Variants in SLCO6A1 observed in about 807,000 individuals in gnomAD.
The protein encoded by SLCO6A1 is solute carrier organic anion transporter family member 6A1, also known as cancer/testis antigen 48.
A neutral mutation model predicts 72.7 loss-of-function variants in SLCO6A1; 65 were observed. The ratio of observed to expected loss-of-function variants is 0.89; its 90% CI spans 0.73 to 1.10. The LOEUF is 1.10. Among genes scored for constraint, SLCO6A1 ranks in the 50% least tolerant of loss-of-function variants. The pLI is 0.00. For missense variants in SLCO6A1, 874 were observed against 872.6 expected (o/e 1.00, Z -0.02); for synonymous variants, 314 against 298.2 (o/e 1.05, Z -0.55).
At chr5:102,381,362 A>G (rs1318978719) in intron 12 of SLCO6A1, among the ~76,000 whole-genome samples, 3 of 151,670 alleles carry the variant, frequency 2.0e-5, no homozygotes, top group Non-Finnish European at 4.4e-5. Flanking sequence ...GCTTAACATG[A>G]TGTCCTGTAG....
intron 9 of SLCO6A1, among the ~76,000 whole-genome samples, chr5:102,405,182 T>A (rs922732459): frequency 3.3e-5 from 5 of 152,022 alleles, no homozygotes; most frequent in Non-Finnish European, 7.4e-5. Flanking sequence ...ATGCAAAAAG[T>A]AACTACCTGT....
At chr5:102,465,394 G>T (rs538669273) in intron 4 of SLCO6A1, among the ~76,000 whole-genome samples, 1 of 152,064 alleles carries the variant, frequency 6.6e-6, no homozygotes, top group African/African-American at 2.4e-5. Context: ...AGTCCTAGTT[G>T]CCCCAAGCAG....
chr5:102,458,269 A>G (rs1750841739), intron 6 of SLCO6A1, 113 bp downstream of exon 6: 1 of 723,778 alleles, frequency 1.4e-6, no homozygotes, highest in Admixed American at 2.6e-5. Flanking sequence ...AAGAAAAAAA[A>G]AGTCTCACCC....
intron 5 of SLCO6A1, 54 bp downstream of exon 5, chr5:102,459,602 C>A: frequency 1.3e-6 from 2 of 1,506,696 alleles, no homozygotes; most frequent in Non-Finnish European, 1.8e-6. Flanking sequence ...GAATAAGAAC[C>A]ATGGTGGAAG....
chr5:102,403,917 T>TTTTTCTACTTA (rs1201462474), intron 9 of SLCO6A1, among the ~76,000 whole-genome samples: 1 of 152,102 alleles, frequency 6.6e-6, no homozygotes, highest in African/African-American at 2.4e-5. Flanking sequence ...TTTTTACCTA[T>TTTTTCTACTTA]TTTTCTACTT....
intron 9 of SLCO6A1, among the ~76,000 whole-genome samples, chr5:102,410,544 GT>G (rs1316495423): frequency 3.9e-5 from 6 of 152,196 alleles, no homozygotes; most frequent in Non-Finnish European, 8.8e-5. Flanking sequence ...AAAGGTGAAA[GT>G]TGGAGTAGAT....
chr5:102,389,003 C>A (rs1010916867), intron 11 of SLCO6A1, among the ~76,000 whole-genome samples, 178 bp from the exon 12 acceptor site: 3 of 152,082 alleles, frequency 2.0e-5, no homozygotes, highest in African/African-American at 7.2e-5. Context: ...TGTGAGTTTT[C>A]AAAAACAATC....
At chr5:102,484,603 A>G (rs1455914373) in intron 1 of SLCO6A1, among the ~76,000 whole-genome samples, 1 of 151,922 alleles carries the variant, frequency 6.6e-6, no homozygotes, top group East Asian at 1.9e-4. Context: ...GTGAGCCAAG[A>G]TTGCGCCACT....
At chr5:102,475,604 A>G (rs1406094569) in intron 4 of SLCO6A1, 93 bp downstream of exon 4, 1 of 740,044 alleles carries the variant, frequency 1.4e-6, no homozygotes, top group African/African-American at 1.8e-5. Context: ...TGGTTATTAC[A>G]AATTAAATAT....
chr5:102,429,219 T>C (rs759697837), intron 7 of SLCO6A1, among the ~76,000 whole-genome samples: 4 of 152,210 alleles, frequency 2.6e-5, no homozygotes, highest in Non-Finnish European at 5.9e-5. Flanking sequence ...GTCAGATGCT[T>C]ACCTTGGAAA....
intron 4 of SLCO6A1, among the ~76,000 whole-genome samples, chr5:102,461,457 C>A (rs192025742): frequency 3.6e-4 from 54 of 152,032 alleles, no homozygotes; most frequent in Non-Finnish European, 6.5e-4. Context: ...GCAAACATAG[C>A]CCCAATGTTG....
At chr5:102,443,608 A>G (rs1361590826) in intron 6 of SLCO6A1, among the ~76,000 whole-genome samples, 3 of 152,216 alleles carry the variant, frequency 2.0e-5, no homozygotes, top group Admixed American at 6.5e-5. Context: ...TGGCTAAAAC[A>G]TTTGGATTAC....
intron 9 of SLCO6A1, among the ~76,000 whole-genome samples, chr5:102,409,297 G>A (rs1475436625): frequency 1.3e-5 from 2 of 152,050 alleles, no homozygotes; most frequent in Non-Finnish European, 2.9e-5. Context: ...AAGTTTCATT[G>A]AAGAGCATCT....
At chr5:102,374,671 CA>C (rs746570368) in intron 12 of SLCO6A1, among the ~76,000 whole-genome samples, 211 of 152,166 alleles carry the variant, frequency 1.4e-3, no homozygotes, top group Non-Finnish European at 1.6e-3. Flanking sequence ...ATACATTTTA[CA>C]GGGAAAAATA....
intron 1 of SLCO6A1, among the ~76,000 whole-genome samples, chr5:102,494,582 CA>C (rs777949530): frequency 6.6e-6 from 1 of 152,060 alleles, no homozygotes; most frequent in Non-Finnish European, 1.5e-5. Context: ...ATAAGAGAAA[CA>C]ACCCAATTTA....
In SLCO6A1 at chr5:102,456,390, T is replaced by C. The variant is rs570991379; in HGVS notation, c.1131+1992A>G. ...TCAGCCCAAAATCTCCTTAAGCTGA[T>C]AAGCAACTTCAGCAAAGTCTCAGGA... On this transcript the variant is annotated intron_variant, in intron 6 of 13. Coordinates refer to ENST00000506729, the MANE Select transcript of SLCO6A1 (RefSeq NM_173488.5). Among the ~76,000 whole-genome samples the C allele has an allele frequency of 2.1e-3, 318 of 152,296 alleles. 3 individuals are homozygous for C. Among genetic ancestry groups the C allele is most frequent in the African/African-American group, 7.3e-3 (302 of 41,562 alleles).
intron 9 of SLCO6A1, among the ~76,000 whole-genome samples, chr5:102,401,190 A>C (rs1014431748): frequency 6.6e-5 from 10 of 152,242 alleles, no homozygotes; most frequent in African/African-American, 2.4e-4. Flanking sequence ...TCAAGTAAAA[A>C]AAAAGGAACA....
intron 1 of SLCO6A1, among the ~76,000 whole-genome samples, chr5:102,491,750 G>A (rs1399495554): frequency 2.6e-5 from 4 of 152,242 alleles, no homozygotes; most frequent in Non-Finnish European, 4.4e-5. Flanking sequence ...CTTGCAAGCT[G>A]AGGGAGCCGG....
intron 10 of SLCO6A1, among the ~76,000 whole-genome samples, chr5:102,397,689 TGTTAGAGA>T (rs1747170380): frequency 6.6e-6 from 1 of 152,142 alleles, no homozygotes; most frequent in Non-Finnish European, 1.5e-5. Flanking sequence ...CAGAAATATA[TGTTAGAGA>T]TACCTGTGAT....
Sources: gnomAD v4.1 joint callset for allele counts (sites outside exome capture counted in the v4.1 genomes callset) on GRCh38, gnomAD v4.1.1 for gene constraint, MANE v1.5 for transcripts, NCBI Gene and HGNC (gene_info 2026-07-23, HGNC 2026-07-21) for gene names.